The following NTRK3 variants were observed in gnomAD, a reference collection of about 807,000 sequenced individuals.
NTRK3 encodes the protein NT-3 growth factor receptor.
NTRK3 carries 24 observed loss-of-function variants against 91.7 expected under a neutral mutation model. The observed-to-expected ratio is 0.26, with a 90% CI of 0.19 to 0.37. The LOEUF (loss-of-function observed/expected upper bound fraction) is 0.37. NTRK3 is among the 10% of genes least tolerant of loss of function. The pLI, the probability that NTRK3 is intolerant of heterozygous loss-of-function variation, is 1.00. For missense variants in NTRK3, 880 were observed against 1,068.9 expected (o/e 0.82, Z 2.46); for synonymous variants, 483 against 404.0 (o/e 1.20, Z -2.34).
chr15:88,221,537 A>C (rs1349615125), intron 3 of NTRK3, among the ~76,000 whole-genome samples: 1 of 152,216 alleles, frequency 6.6e-6, no homozygotes, highest in African/African-American at 2.4e-5. Context: ...CACGCCTGTA[A>C]TCCCAACACC....
intron 6 of NTRK3, among the ~76,000 whole-genome samples, chr15:88,142,608 C>T (rs1030911360): frequency 1.3e-5 from 2 of 152,224 alleles, no homozygotes; most frequent in Non-Finnish European, 2.9e-5. Flanking sequence ...TCAGCCAGGA[C>T]AGCCCTGCTG....
intron 5 of NTRK3, among the ~76,000 whole-genome samples, chr15:88,182,133 G>A (rs1529323): frequency 0.54 from 81,815 of 151,800 alleles, 24,209 homozygotes; most frequent in African/African-American, 0.81. Flanking sequence ...AGTCCCCTGG[G>A]GCTGATACAC....
At chr15:87,990,378 C>T (rs1173971872) in intron 14 of NTRK3, among the ~76,000 whole-genome samples, 1 of 152,190 alleles carries the variant, frequency 6.6e-6, no homozygotes, top group Non-Finnish European at 1.5e-5. Context: ...TAAATTCCTG[C>T]CCTGACTTTT....
intron 13 of NTRK3, among the ~76,000 whole-genome samples, chr15:88,033,886 A>T (rs1371590220): frequency 6.6e-6 from 1 of 152,176 alleles, no homozygotes; most frequent in East Asian, 1.9e-4. Context: ...AGTAGTGTGC[A>T]CCCTGTACCT....
At chr15:88,175,174 T>C (rs1161114262) in intron 5 of NTRK3, among the ~76,000 whole-genome samples, 4 of 152,190 alleles carry the variant, frequency 2.6e-5, no homozygotes, top group African/African-American at 9.7e-5. Context: ...ACAGTAAAAG[T>C]GTATTTCTCT....
At chr15:87,884,131 T>A (rs989538219) in intron 17 of NTRK3, among the ~76,000 whole-genome samples, 1 of 137,950 alleles carries the variant, frequency 7.2e-6, no homozygotes, top group Admixed American at 7.2e-5. Context: ...AAAATCAGAA[T>A]TGATCTACAC....
At chr15:88,218,153 A>G (rs1210417231) in intron 3 of NTRK3, among the ~76,000 whole-genome samples, 1 of 152,134 alleles carries the variant, frequency 6.6e-6, no homozygotes, top group African/African-American at 2.4e-5. Flanking sequence ...GTCTAGCCTG[A>G]CTACGTCCCT....
chr15:88,080,948 G>A (rs1383315865), intron 13 of NTRK3, among the ~76,000 whole-genome samples: 2 of 152,250 alleles, frequency 1.3e-5, no homozygotes, highest in African/African-American at 2.4e-5. Flanking sequence ...GAATGAAAGT[G>A]CCACTACATG....
At chr15:88,055,892 T>A (rs546910613) in intron 13 of NTRK3, among the ~76,000 whole-genome samples, 11 of 152,216 alleles carry the variant, frequency 7.2e-5, no homozygotes, top group South Asian at 2.1e-4. Context: ...GTTGCCTTGA[T>A]AAAGGAGAAT....
chr15:88,042,199 C>A (rs1357885399), intron 13 of NTRK3, among the ~76,000 whole-genome samples: 1 of 152,180 alleles, frequency 6.6e-6, no homozygotes, highest in Non-Finnish European at 1.5e-5. Flanking sequence ...GGAAGCACAA[C>A]AAACACAATT....
chr15:87,876,568 T>G (rs2064955988), exon 19 of NTRK3: 1 of 225,442 alleles, frequency 4.4e-6, no homozygotes, highest in Non-Finnish European at 8.8e-6. Context: ...GGCCACAGCT[T>G]AAGTCAAAGG....
intron 6 of NTRK3, 64 bp from the exon 7 acceptor site, chr15:88,137,625 G>A: frequency 1.3e-6 from 2 of 1,571,012 alleles, no homozygotes; most frequent in South Asian, 2.3e-5. Flanking sequence ...CCCTCCCAGG[G>A]CTATGAGGAC....
chr15:88,135,455 A>G, intron 9 of NTRK3, 58 bp from the exon 10 acceptor site: 1 of 1,569,776 alleles, frequency 6.4e-7, no homozygotes, highest in Non-Finnish European at 8.6e-7. Flanking sequence ...CTCCTGCAGT[A>G]GCCTTCCAGC....
rs1395927387 is a variant in NTRK3, at chr15:88,046,413, A to G, written c.1397-13368T>C. Among the ~76,000 whole-genome samples, 4 of 152,284 alleles carry G rather than the reference A, an allele frequency of 2.6e-5. No individual in the cohort carries two copies. In the East Asian group the frequency reaches 7.7e-4, roughly 29 times the overall value. On this transcript the variant is annotated intron_variant, in intron 13 of 18. Transcript: ENST00000394480. Reference sequence around the variant, plus strand: ...AGCCTGAACAGGTCCCCAGGTCTACAGGTGGGACACACAAATAAACCAACA... The same window carrying G: ...AGCCTGAACAGGTCCCCAGGTCTACGGGTGGGACACACAAATAAACCAACA...
rs923639726 is a variant in NTRK3, at chr15:88,234,942, C to T, written c.248+20964G>A. On this transcript the variant is annotated intron_variant, in intron 3 of 18. Transcript: ENST00000394480. This position sits in a 1 kb window ranked among gnomAD's most constrained non-coding sequence, Gnocchi z 6.1. ...TTCCAGCCCCTTCCAACCTGAGAGG[C>T]GTTGCACTGGCTACGCCCTGGGCCT... is the stretch of plus-strand genomic sequence containing the variant. Among the ~76,000 whole-genome samples the T allele has an allele frequency of 3.9e-5, 6 of 152,122 alleles. No homozygotes were observed. Among genetic ancestry groups the T allele is most frequent in the East Asian group, 3.9e-4 (2 of 5,168 alleles).
chr15:88,176,539 T>C (rs1200567619), intron 5 of NTRK3, among the ~76,000 whole-genome samples: 1 of 152,160 alleles, frequency 6.6e-6, no homozygotes, highest in Non-Finnish European at 1.5e-5. Flanking sequence ...AGGATAAATA[T>C]GATGGGAGGA....
chr15:88,077,258 G>C (rs999968137), intron 13 of NTRK3, among the ~76,000 whole-genome samples: 1 of 152,052 alleles, frequency 6.6e-6, no homozygotes, highest in Non-Finnish European at 1.5e-5. Context: ...TCCCTTCACT[G>C]GGTTTTTGCC....
chr15:87,865,565 G>A (rs2064646136), exon 19 of NTRK3: 1 of 217,014 alleles, frequency 4.6e-6, no homozygotes, highest in Non-Finnish European at 9.3e-6. Flanking sequence ...CATGAACAGG[G>A]TACCACTTAA....
At chr15:88,154,728 C>G (rs766969683) in intron 5 of NTRK3, among the ~76,000 whole-genome samples, 21 of 152,078 alleles carry the variant, frequency 1.4e-4, no homozygotes, top group Non-Finnish European at 2.9e-5. Context: ...AGAGCGTGTT[C>G]CTGGAATCTG....
Sources: gnomAD v4.1 joint callset for allele counts (sites outside exome capture counted in the v4.1 genomes callset) on GRCh38, gnomAD v4.1.1 for gene constraint, Gnocchi (gnomAD v3.1) non-coding constraint, MANE v1.5 for transcripts, NCBI Gene and HGNC (gene_info 2026-07-23, HGNC 2026-07-21) for gene names.